COMMD10: variants seen among roughly 807,000 people sequenced by gnomAD.
The protein encoded by COMMD10 is COMM domain containing 10.
A neutral mutation model predicts 28.9 loss-of-function variants in COMMD10; 33 were observed. The observed-to-expected ratio is 1.14, with a 90% CI of 0.87 to 1.53. The LOEUF (loss-of-function observed/expected upper bound fraction) is 1.53, where lower values mean the gene tolerates loss of function less well. COMMD10 is among the 40% of genes most tolerant of loss of function. COMMD10 has a pLI of 0.00. For missense variants in COMMD10, 310 were observed against 233.4 expected (o/e 1.33, Z -2.14); for synonymous variants, 110 against 81.7 (o/e 1.35, Z -1.87).
At chr5:116,087,465 A>G (rs746889941) in intron 1 of COMMD10, 32 bp from the exon 2 acceptor site, 3 of 1,404,304 alleles carry the variant, frequency 2.1e-6, no homozygotes, top group Non-Finnish European at 3.0e-6. Flanking sequence ...TGGAAAACTC[A>G]TTTCAAAACT....
chr5:116,229,723 C>T (rs1053013972), intron 5 of COMMD10, among the ~76,000 whole-genome samples: 1 of 151,904 alleles, frequency 6.6e-6, no homozygotes, highest in African/African-American at 2.4e-5. Context: ...CAACAGAATA[C>T]AAGCACAATT....
intron 5 of COMMD10, among the ~76,000 whole-genome samples, chr5:116,202,246 TG>T (rs1355507210): frequency 2.0e-5 from 3 of 151,728 alleles, no homozygotes; most frequent in Non-Finnish European, 2.9e-5. Flanking sequence ...TAGTATTCCA[TG>T]GTGTATATGT....
At chr5:116,184,218 CTCT>C (rs869127040) in intron 5 of COMMD10, among the ~76,000 whole-genome samples, 18 of 150,878 alleles carry the variant, frequency 1.2e-4, no homozygotes, top group Non-Finnish European at 2.2e-4. Context: ...AGTTCTGTCT[CTCT>C]TTTTTTTTTT....
At chr5:116,161,801 A>G (rs1261499877) in intron 5 of COMMD10, among the ~76,000 whole-genome samples, 10 of 152,142 alleles carry the variant, frequency 6.6e-5, no homozygotes, top group Admixed American at 6.6e-4. Context: ...GGGAGAATAG[A>G]CGGAGGAGGT....
chr5:116,140,104 A>G (rs1440037848), intron 5 of COMMD10, among the ~76,000 whole-genome samples: 1 of 151,612 alleles, frequency 6.6e-6, no homozygotes, highest in Admixed American at 6.6e-5. Context: ...AATTCCACAT[A>G]TAAGTGAGAT....
At chr5:116,114,462 A>G (rs897117498) in intron 4 of COMMD10, among the ~76,000 whole-genome samples, 16 of 152,038 alleles carry the variant, frequency 1.1e-4, no homozygotes, top group African/African-American at 3.9e-4. Flanking sequence ...ATAGAAACCA[A>G]CCGAGAGAGT....
chr5:116,214,588 A>G (rs1277775226), intron 5 of COMMD10, among the ~76,000 whole-genome samples: 1 of 152,150 alleles, frequency 6.6e-6, no homozygotes, highest in African/African-American at 2.4e-5. Flanking sequence ...AAGGTGTTCT[A>G]TGTGACCTTC....
chr5:116,272,956 G>A (rs974389184), intron 5 of COMMD10, among the ~76,000 whole-genome samples: 8 of 151,716 alleles, frequency 5.3e-5, no homozygotes, highest in East Asian at 1.9e-4. Flanking sequence ...ATGTTGTCTC[G>A]TCCCTTCTTA....
At chr5:116,128,354 G>A (rs1751732377) in intron 4 of COMMD10, among the ~76,000 whole-genome samples, 1 of 151,760 alleles carries the variant, frequency 6.6e-6, no homozygotes, top group Non-Finnish European at 1.5e-5. Context: ...AAATATTAGT[G>A]GCTTATTTTC....
At chr5:116,256,731 A>G (rs1013685666) in intron 5 of COMMD10, among the ~76,000 whole-genome samples, 32 of 151,956 alleles carry the variant, frequency 2.1e-4, no homozygotes, top group African/African-American at 7.7e-4. Flanking sequence ...TATGTATATC[A>G]TAAACATATA....
intron 5 of COMMD10, among the ~76,000 whole-genome samples, chr5:116,246,221 A>G (rs1749948848): frequency 6.6e-6 from 1 of 152,098 alleles, no homozygotes; most frequent in South Asian, 2.1e-4. Flanking sequence ...TGAGGAACAT[A>G]CTCCCATTCA....
At chr5:116,245,066 A>G (rs2112667157) in intron 5 of COMMD10, among the ~76,000 whole-genome samples, 1 of 151,508 alleles carries the variant, frequency 6.6e-6, no homozygotes, top group East Asian at 1.9e-4. Flanking sequence ...AAAAAAATTA[A>G]TAAAATACAT....
At chr5:116,126,916 T>C (rs546713243) in intron 4 of COMMD10, among the ~76,000 whole-genome samples, 133 of 152,256 alleles carry the variant, frequency 8.7e-4, no homozygotes, top group African/African-American at 3.0e-3. Flanking sequence ...AAAGCCAAAA[T>C]TGACTGATGG....
At chr5:116,247,477 A>G (rs577067629) in intron 5 of COMMD10, among the ~76,000 whole-genome samples, 1 of 152,208 alleles carries the variant, frequency 6.6e-6, no homozygotes, top group South Asian at 2.1e-4. Flanking sequence ...GTATATACCC[A>G]AAGGAATATA....
intron 1 of COMMD10, among the ~76,000 whole-genome samples, chr5:116,086,106 TG>T (rs1750082573): frequency 6.6e-6 from 1 of 152,172 alleles, no homozygotes; most frequent in African/African-American, 2.4e-5. Context: ...AGGATTCCAT[TG>T]GTTACTTGGT....
At chr5:116,127,068 C>T (rs1254254015) in intron 4 of COMMD10, among the ~76,000 whole-genome samples, 1 of 152,158 alleles carries the variant, frequency 6.6e-6, no homozygotes, top group Admixed American at 6.5e-5. Context: ...AGAACTTGAA[C>T]AAATTTACAA....
chr5:116,268,758 T>C (rs1314748419), intron 5 of COMMD10, among the ~76,000 whole-genome samples: 2 of 151,880 alleles, frequency 1.3e-5, no homozygotes, highest in Non-Finnish European at 2.9e-5. Context: ...CATGGAATAC[T>C]GTGCAGCCAT....
At chr5:116,256,537 G>A (rs1482492526) in intron 5 of COMMD10, among the ~76,000 whole-genome samples, 3 of 151,606 alleles carry the variant, frequency 2.0e-5, no homozygotes, top group South Asian at 2.1e-4. Context: ...TCAAGGATGG[G>A]CATTTTTCTC....
At chr5:116,289,856 G>A (rs994036977) in intron 5 of COMMD10, among the ~76,000 whole-genome samples, 1 of 151,864 alleles carries the variant, frequency 6.6e-6, no homozygotes, top group Non-Finnish European at 1.5e-5. Context: ...ATTCTGATCC[G>A]TATATTGTTA....
Sources: gnomAD v4.1 joint callset for allele counts (sites outside exome capture counted in the v4.1 genomes callset) on GRCh38, gnomAD v4.1.1 for gene constraint, MANE v1.5 for transcripts, NCBI Gene and HGNC (gene_info 2026-07-23, HGNC 2026-07-21) for gene names.